The following KAZN variants were observed in gnomAD, a reference collection of about 807,000 sequenced individuals.
KAZN encodes kazrin, periplakin interacting protein, also known as kazrin.
KAZN carries 40 observed loss-of-function variants against 87.4 expected under a neutral mutation model. The ratio of observed to expected loss-of-function variants is 0.46; its 90% confidence interval spans 0.36 to 0.60. The LOEUF (loss-of-function observed/expected upper bound fraction) is 0.60. KAZN is among the 20% of genes least tolerant of loss of function. The pLI, the probability that KAZN is intolerant of heterozygous loss-of-function variation, is 0.00. For synonymous variants in KAZN, 466 were observed against 458.3 expected, an observed-to-expected ratio of 1.02 and a Z score of -0.22; for missense variants, 898 against 1,073.9, an observed-to-expected ratio of 0.84 and a Z score of 2.29.
intron 2 of KAZN, among the ~76,000 whole-genome samples, chr1:14,385,810 C>G (rs1043010856): frequency 6.7e-6 from 1 of 149,306 alleles, no homozygotes; most frequent in East Asian, 2.0e-4. Context: ...GTGGAGAGTT[C>G]TGTAGATGTC....
In KAZN at chr1:14,247,384, A is replaced by G. The variant is rs1214702073; in HGVS notation, c.249+66792A>G. Among the ~76,000 whole-genome samples, 21 of 152,208 alleles carry G rather than the reference A, an allele frequency of 1.4e-4. 1 individual carries two copies. Among genetic ancestry groups the G allele is most frequent in the Non-Finnish European group, 7.3e-5 (5 of 68,030 alleles). On this transcript the variant is annotated intron_variant, in intron 2 of 16. Coordinates refer to the KAZN transcript ENST00000636203. ...AATGCTCTCCTCTTTGGGCTTGTGGATAAGATCGGTGTTAGAATGCGCTAT... is the reference window on the plus strand; with the variant it reads ...AATGCTCTCCTCTTTGGGCTTGTGGGTAAGATCGGTGTTAGAATGCGCTAT...
intron 1 of KAZN, among the ~76,000 whole-genome samples, chr1:14,129,480 A>G (rs1184292496): frequency 1.3e-5 from 2 of 152,186 alleles, no homozygotes; most frequent in African/African-American, 4.8e-5. Context: ...TGTGCCTCCC[A>G]CCCGATTCCT....
At chr1:15,027,424 G>A (rs570983069) in intron 2 of KAZN, among the ~76,000 whole-genome samples, 6 of 152,302 alleles carry the variant, frequency 3.9e-5, no homozygotes, top group Admixed American at 3.9e-4. Context: ...TAAGAGTTGG[G>A]AGACCTCAGC....
intron 2 of KAZN, among the ~76,000 whole-genome samples, chr1:14,450,367 T>A (rs1333932571): frequency 2.6e-5 from 4 of 152,110 alleles, no homozygotes; most frequent in Non-Finnish European, 5.9e-5. Flanking sequence ...AGCGGGTAGA[T>A]CACCTGAGGT....
At chr1:14,971,010 C>T (rs770331700) in intron 2 of KAZN, among the ~76,000 whole-genome samples, 1 of 152,190 alleles carries the variant, frequency 6.6e-6, no homozygotes, top group Non-Finnish European at 1.5e-5. Context: ...CATTCCTTTG[C>T]CTGCGTGAGT....
intron 2 of KAZN, among the ~76,000 whole-genome samples, chr1:14,976,613 GA>G (rs1665650022): frequency 1.3e-5 from 2 of 152,324 alleles, no homozygotes; most frequent in South Asian, 4.1e-4. Context: ...AGCCCCAGAG[GA>G]GGCCGGGAGG....
In KAZN at chr1:14,333,483, C is replaced by T. The variant is rs146039835; in HGVS notation, c.249+152891C>T. On this transcript the variant is annotated intron_variant, in intron 2 of 16. Transcript: ENST00000636203. The stretch of plus-strand genomic sequence containing the variant: ...TGGTGCAAGACTCTGTGCCACTCTA[C>T]TTCTCATTCATCATCAAGCAACTAT... Among the ~76,000 whole-genome samples the T allele has an allele frequency of 3.9e-4, 59 of 152,324 alleles. 1 individual carries two copies. The highest frequency in any genetic ancestry group is 1.3e-3 in the African/African-American group (56 of 41,578).
chr1:14,514,586 T>TGAAA (rs1486553184), intron 2 of KAZN, among the ~76,000 whole-genome samples: 1 of 99,368 alleles, frequency 1.0e-5, no homozygotes. Flanking sequence ...TTATATATTT[T>TGAAA]TTTATATTTT....
chr1:14,547,101 T>TA (rs968155639), intron 2 of KAZN, among the ~76,000 whole-genome samples: 1 of 152,184 alleles, frequency 6.6e-6, no homozygotes, highest in African/African-American at 2.4e-5. Flanking sequence ...AAACCCCAGG[T>TA]GTCTTTTCCT....
rs1043600135 is a variant in KAZN, at chr1:14,381,377, A to G, written c.249+200785A>G. On this transcript the variant is annotated intron_variant, in intron 2 of 16. Coordinates refer to the KAZN transcript ENST00000636203. ...CTACCAAAACCGGACAATCAAAAAA[A>G]AAAAATTGTAGGCCAATATCACTGA... Among the ~76,000 whole-genome samples, 13 of 152,202 alleles carry G rather than the reference A, an allele frequency of 8.5e-5. 1 individual carries two copies. The highest frequency in any genetic ancestry group is 3.1e-4 in the African/African-American group (13 of 41,454).
intron 2 of KAZN, among the ~76,000 whole-genome samples, chr1:14,232,660 G>A (rs1647975410): frequency 6.6e-6 from 1 of 152,186 alleles, no homozygotes; most frequent in African/African-American, 2.4e-5. Flanking sequence ...CTCTGGCTTA[G>A]TAGAATGTTG....
Position 13,981,887 on chromosome 1 carries a change from C to T in KAZN, c.91+88131C>T, listed in dbSNP as rs142131892. Among the ~76,000 whole-genome samples the T allele has an allele frequency of 1.6e-3, 251 of 152,184 alleles. 1 individual carries two copies. Among genetic ancestry groups the T allele is most frequent in the Middle Eastern group, 0.014 (4 of 294 alleles). ...GTAGTGATGATTGCTGACCTGAATG[C>T]CCTAGTCTTAAACATTAGAGGGTGG... On this transcript the variant is annotated intron_variant, in intron 1 of 16. Coordinates refer to the KAZN transcript ENST00000636203.
intron 1 of KAZN, among the ~76,000 whole-genome samples, chr1:13,960,495 G>A (rs1488688697): frequency 2.6e-5 from 4 of 152,160 alleles, no homozygotes; most frequent in African/African-American, 9.7e-5. Flanking sequence ...CCGGGCCACA[G>A]AGATGAAGGT....
chr1:14,492,341 A>T (rs922463145), intron 2 of KAZN, among the ~76,000 whole-genome samples: 1 of 151,914 alleles, frequency 6.6e-6, no homozygotes, highest in African/African-American at 2.4e-5. Flanking sequence ...TTCTCTCCAC[A>T]CTGTCTTTTC....
chr1:15,050,078 GAGTACAGTAGAGTAC>G (rs1557756723), intron 4 of KAZN, among the ~76,000 whole-genome samples: 29,029 of 141,912 alleles, frequency 0.2, 4,112 homozygotes, highest in East Asian at 0.66. Flanking sequence ...GAGTAGAGTA[GAGTACAGTAGAGTAC>G]AGTAGAGTAG....
At chr1:14,251,643 C>CTTTGTTTTTTTTT (rs1650043346) in intron 2 of KAZN, among the ~76,000 whole-genome samples, 1 of 90,370 alleles carries the variant, frequency 1.1e-5, no homozygotes, top group Non-Finnish European at 1.9e-5. Flanking sequence ...TTCTCCCGGA[C>CTTTGTTTTTTTTT]TTTTTTTTTT....
rs80016727 is a variant in KAZN, at chr1:14,362,439, C to T, written c.249+181847C>T. On this transcript the variant is annotated intron_variant, in intron 2 of 16. Coordinates refer to the KAZN transcript ENST00000636203. ...ACATTGCAATCTTATGTGACACAAT[C>T]ATGGAAGTAACATTTCAACACCTTC... 4.3e-3 allele frequency among the ~76,000 whole-genome samples: 649 copies of T among 152,308 alleles called. 3 individuals carry two copies. Among genetic ancestry groups the T allele is most frequent in the African/African-American group, 0.015 (610 of 41,554 alleles).
At chr1:14,248,732 A>C (rs980915104) in intron 2 of KAZN, among the ~76,000 whole-genome samples, 4 of 152,072 alleles carry the variant, frequency 2.6e-5, no homozygotes, top group Non-Finnish European at 5.9e-5. Context: ...ATTCTTTGAC[A>C]CTCTTCCCAT....
chr1:14,395,471 G>A (rs150635175), intron 2 of KAZN, among the ~76,000 whole-genome samples: 4 of 152,284 alleles, frequency 2.6e-5, no homozygotes, highest in African/African-American at 7.2e-5. Flanking sequence ...GAAGGTAGAC[G>A]TGGACCAGTG....
Sources: gnomAD v4.1 joint callset for allele counts (sites outside exome capture counted in the v4.1 genomes callset) on GRCh38, gnomAD v4.1.1 for gene constraint, MANE v1.5 for transcripts, NCBI Gene and HGNC (gene_info 2026-07-23, HGNC 2026-07-21) for gene names.